The following WDFY4 variants were observed in gnomAD, a reference collection of about 807,000 sequenced individuals.
WDFY4 encodes WD repeat- and FYVE domain-containing protein 4.
A neutral mutation model predicts 351.9 loss-of-function variants in WDFY4; 169 were observed. That is an observed-to-expected ratio of 0.48 (90% CI 0.42 to 0.55). The LOEUF is 0.55. Among genes scored for constraint, WDFY4 ranks in the 20% least tolerant of loss-of-function variants. WDFY4 has a pLI of 0.00. For synonymous variants in WDFY4, 1,622 were observed against 1,574.6 expected, an observed-to-expected ratio of 1.03 and a Z score of -0.71; for missense variants, 3,803 against 3,935.6, an observed-to-expected ratio of 0.97 and a Z score of 0.90.
At chr10:48,713,247 G>T (rs1421671091) in intron 2 of WDFY4, among the ~76,000 whole-genome samples, 3 of 152,090 alleles carry the variant, frequency 2.0e-5, no homozygotes, top group African/African-American at 7.2e-5. Flanking sequence ...GCTGTCACCT[G>T]GTAGCTTCAA....
intron 11 of WDFY4, among the ~76,000 whole-genome samples, chr10:48,736,512 A>G (rs1225634206): frequency 6.6e-6 from 1 of 152,246 alleles, no homozygotes; most frequent in African/African-American, 2.4e-5. Flanking sequence ...GCTACTTCCC[A>G]CAACACTGTA....
intron 1 of WDFY4, among the ~76,000 whole-genome samples, chr10:48,693,436 A>C (rs1015830463): frequency 6.6e-6 from 1 of 152,040 alleles, no homozygotes; most frequent in Non-Finnish European, 1.5e-5. Context: ...AGGCCCCTTG[A>C]CCCCTTTCTG....
chr10:48,786,479 C>T (rs547721358), intron 19 of WDFY4, among the ~76,000 whole-genome samples, 160 bp from the exon 20 acceptor site: 49 of 151,880 alleles, frequency 3.2e-4, no homozygotes, highest in African/African-American at 6.5e-4. Flanking sequence ...ACTTGTTTTG[C>T]GCATACTTCT....
intron 7 of WDFY4, among the ~76,000 whole-genome samples, chr10:48,728,799 GA>G (rs2064356795): frequency 6.6e-6 from 1 of 152,260 alleles, no homozygotes; most frequent in Non-Finnish European, 1.5e-5. Context: ...ATTGGGTGTT[GA>G]GTTTTCCCCA....
chr10:48,809,415 TCAC>T (rs570306440), intron 28 of WDFY4, among the ~76,000 whole-genome samples: 1 of 148,462 alleles, frequency 6.7e-6, no homozygotes, highest in Non-Finnish European at 1.5e-5. Flanking sequence ...ATCACCATCA[TCAC>T]CACAACATTA....
At position 48,709,875 on chromosome 10, in the gene WDFY4, A is replaced by G. The variant is rs2063724857; in HGVS notation, c.143A>G (p.Glu48Gly). Residue 48 changes from glutamate (E) to glycine (G), a missense_variant, in exon 2 of 62, where the codon GAA (glutamate) becomes GGA (glycine). Physicochemically the swap from Glu to Gly is moderately conservative, Grantham distance 98. Around this residue, in one of 3 missense-constraint regions of WDFY4, gnomAD observed 488 missense variants for 456.8 expected, o/e 1.07. Transcript: ENST00000325239. ...SSPTALWDML[E>G]RKFLEYQQLT... ...CCCACAGCTCTCTGGGACATGCTGG[A>G]AAGGAAGTTTCTGGAATACCAGCAG... 2.6e-6 allele frequency: 4 copies of G among 1,551,892 alleles called. No individual in the cohort carries two copies. The South Asian group carries it at 4.8e-5, about 18-fold the overall frequency.
chr10:48,716,266 A>G (rs780891049), intron 2 of WDFY4, among the ~76,000 whole-genome samples: 1 of 151,992 alleles, frequency 6.6e-6, no homozygotes, highest in Non-Finnish European at 1.5e-5. Flanking sequence ...AATACCAACC[A>G]TGTTCTCTTT....
rs562797967 is a variant in WDFY4 at position 48,945,935 on chromosome 10, C to G, written c.7750-105C>G. The G allele has an allele frequency of 3.3e-5, 26 of 785,500 alleles. No individual in the cohort carries two copies. In the East Asian group the frequency reaches 7.9e-4, roughly 24 times the overall value. The allele number at this position is 785,500 out of a possible 1,614,324, so 48.7% of individuals were successfully genotyped here. ...GCTAACCACCAGAGGCAGGTCAGAC[C>G]AAATGACTGTAAATCAATAAAGAGA... On this transcript the variant is annotated intron_variant, in intron 49 of 61. Coordinates refer to ENST00000325239, the MANE Select transcript of WDFY4 (RefSeq NM_001394531.1).
intron 43 of WDFY4, chr10:48,884,000 C>T (rs929600878): frequency 6.6e-6 from 1 of 152,220 alleles, no homozygotes; most frequent in African/African-American, 2.4e-5. Flanking sequence ...ATTGTGGGCT[C>T]ATGCCAGTTA....
At chr10:48,884,586 TATGC>T (rs925635903) in intron 43 of WDFY4, among the ~76,000 whole-genome samples, 3 of 151,906 alleles carry the variant, frequency 2.0e-5, no homozygotes, top group Non-Finnish European at 4.4e-5. Flanking sequence ...CGTGTACACA[TATGC>T]ATACACATAC....
At chr10:48,788,473 A>T in intron 20 of WDFY4, 57 bp from the exon 21 acceptor site, 1 of 1,520,446 alleles carries the variant, frequency 6.6e-7, no homozygotes, top group Non-Finnish European at 8.9e-7. Context: ...TTGTATGAGG[A>T]TTAATTTCCT....
intron 1 of WDFY4, among the ~76,000 whole-genome samples, chr10:48,686,838 C>T (rs1490069811): frequency 6.6e-6 from 1 of 152,064 alleles, no homozygotes; most frequent in East Asian, 1.9e-4. Flanking sequence ...TTTGTACATG[C>T]ATCTTGGGGC....
Position 48,759,036 on chromosome 10 carries a change from A to AATAT in WDFY4, c.2460-1298_2460-1295dup, listed in dbSNP as rs140066476. Among the ~76,000 whole-genome samples, 275 of 150,466 alleles carry AATAT rather than the reference A, an allele frequency of 1.8e-3. 2 individuals are homozygous for AATAT. Among genetic ancestry groups the AATAT allele is most frequent in the African/African-American group, 4.9e-3 (200 of 41,052 alleles). The stretch of plus-strand genomic sequence containing the variant: ...TGTCATCTTATAGAGAATGTTAATG[A>AATAT]ATATATATATATATATCTTAAGGTA... On this transcript the variant is annotated intron_variant, in intron 12 of 61. Transcript: ENST00000325239.
chr10:48,768,507 C>G (rs978984274), intron 13 of WDFY4, among the ~76,000 whole-genome samples: 18 of 152,208 alleles, frequency 1.2e-4, no homozygotes, highest in Admixed American at 1.1e-3. Flanking sequence ...GCCTAGCTCT[C>G]TCTTCATTAT....
chr10:48,904,655 A>G lies in WDFY4; in HGVS notation c.7586+2792A>G, dbSNP rs535542395. 5.3e-5 allele frequency among the ~76,000 whole-genome samples: 8 copies of G among 152,334 alleles called. No individual in the cohort carries two copies. In the South Asian group the frequency reaches 1.7e-3, roughly 32 times the overall value. ...CCCAACAGCTCCAGACTGACAGTCA[A>G]TCATGCAGGAATCCCACCACACACC... On this transcript the variant is annotated intron_variant, in intron 47 of 61. Coordinates refer to ENST00000325239, the MANE Select transcript of WDFY4 (RefSeq NM_001394531.1).
intron 24 of WDFY4, chr10:48,802,613 C>A: frequency 2.2e-6 from 1 of 446,824 alleles, no homozygotes; most frequent in Non-Finnish European, 4.6e-6. Flanking sequence ...TCAATTCTGC[C>A]CCAGAAGGAT....
At chr10:48,864,990 A>G (rs1048995257) in intron 39 of WDFY4, among the ~76,000 whole-genome samples, 4 of 152,208 alleles carry the variant, frequency 2.6e-5, no homozygotes, top group African/African-American at 9.7e-5. Flanking sequence ...TTCTATATAT[A>G]GAATCCTGCC....
intron 44 of WDFY4, among the ~76,000 whole-genome samples, chr10:48,894,685 T>A (rs1209430259): frequency 6.6e-6 from 1 of 152,046 alleles, no homozygotes; most frequent in African/African-American, 2.4e-5. Context: ...CCTTGTAGGG[T>A]CTGCAGGGGA....
At position 48,796,288 on chromosome 10, in the gene WDFY4, A is replaced by T. The variant is rs2132793277; in HGVS notation, c.4258-10A>T. The T allele has an allele frequency of 6.4e-7, 1 of 1,550,986 alleles. No homozygotes were observed. Among genetic ancestry groups the T allele is most frequent in the East Asian group, 2.4e-5 (1 of 40,894 alleles). On this transcript the variant is annotated splice_polypyrimidine_tract_variant and intron_variant, in intron 23 of 61. Coordinates refer to ENST00000325239, the MANE Select transcript of WDFY4 (RefSeq NM_001394531.1). ...TTCATGAGGAAACTGCTTTGTGTTA[A>T]CCTTTTCAGATAATGGCGTTTCTCC...
Sources: gnomAD v4.1 joint callset for allele counts (sites outside exome capture counted in the v4.1 genomes callset) on GRCh38, gnomAD v4.1.1 for gene constraint, gnomAD v4.1.1 regional missense constraint, MANE v1.5 for transcripts, NCBI Gene and HGNC (gene_info 2026-07-23, HGNC 2026-07-21) for gene names.